TLE6: variants seen among roughly 807,000 people sequenced by gnomAD.
The protein encoded by TLE6 is TLE family member 6, subcortical maternal complex member.
A neutral mutation model predicts 77.1 loss-of-function variants in TLE6; 72 were observed. That is an observed-to-expected ratio of 0.93 (90% CI 0.77 to 1.14). TLE6 has a LOEUF of 1.14. Among genes scored for constraint, TLE6 ranks in the 50% most tolerant of loss-of-function variants. The pLI, the probability that TLE6 is intolerant of heterozygous loss-of-function variation, is 0.00. For missense variants in TLE6, 843 were observed against 747.6 expected, an observed-to-expected ratio of 1.13 and a Z score of -1.49; for synonymous variants, 366 against 287.3, an observed-to-expected ratio of 1.27 and a Z score of -2.77.
At chr19:2,981,959 ACTCT>A (rs952318203) in intron 4 of TLE6, among the ~76,000 whole-genome samples, 185 bp from the exon 5 acceptor site, 6 of 151,938 alleles carry the variant, frequency 3.9e-5, no homozygotes, top group Admixed American at 2.6e-4. Flanking sequence ...ACAGAGCAAG[ACTCT>A]CTCTGAGGAA....
chr19:2,995,079 A>G lies in TLE6; in HGVS notation c.*75A>G, dbSNP rs542540216. On this transcript the variant is annotated 3_prime_UTR_variant, in exon 17 of 17. Coordinates refer to ENST00000246112, the MANE Select transcript of TLE6 (RefSeq NM_001143986.2). ...CTTCCCCCCCCCCAACAAGGGGGAC[A>G]TGGTGGAGGGAAGCGGGAAGGCTCT... is the stretch of plus-strand genomic sequence containing the variant. The G allele has an allele frequency of 1.3e-4, 122 of 931,564 alleles. 1 individual carries two copies. In the South Asian group the frequency reaches 1.7e-3, roughly 13 times the overall value. The allele number at this position is 931,564 out of a possible 1,614,324, so 57.7% of individuals were successfully genotyped here. A position where few individuals can be genotyped will look rare whatever the true frequency, so the allele number is the denominator to read the frequency against.
Position 2,988,207 on chromosome 19 carries a change from C to T in TLE6, c.740+79C>T, listed in dbSNP as rs553779233. ...TTCCTGTCTATACCTCTGTTCCCGACACATAGAGGGGAACAGAGGTGTAAG... is the reference window on the plus strand; with the variant it reads ...TTCCTGTCTATACCTCTGTTCCCGATACATAGAGGGGAACAGAGGTGTAAG... On this transcript the variant is annotated intron_variant, in intron 11 of 16. Coordinates refer to ENST00000246112, the MANE Select transcript of TLE6 (RefSeq NM_001143986.2). 2.1e-6 allele frequency: 3 copies of T among 1,413,948 alleles called. No homozygotes were observed. In the Admixed American group the frequency reaches 6.1e-5, roughly 29 times the overall value. The allele number at this position is 1,413,948 out of a possible 1,614,324, so 87.6% of individuals were successfully genotyped here. A position where few individuals can be genotyped will look rare whatever the true frequency, so the allele number is the denominator to read the frequency against.
intron 14 of TLE6, 27 bp from the exon 15 acceptor site, chr19:2,993,405 C>A: frequency 6.3e-7 from 1 of 1,578,648 alleles, no homozygotes; most frequent in Non-Finnish European, 8.7e-7. Context: ...TAACCAGGTT[C>A]CTCCCTCCCC....
At chr19:2,993,040 A>G (rs1026831289) in intron 14 of TLE6, among the ~76,000 whole-genome samples, 1 of 149,664 alleles carries the variant, frequency 6.7e-6, no homozygotes, top group South Asian at 2.1e-4. Context: ...AAAAAAAAAA[A>G]AAAAAAAAAA....
In TLE6 at chr19:2,994,901, T is replaced by TGCCTGAGATGTCTCCAGTC; in HGVS notation, c.1617_1635dup (p.Thr546AlafsTer2). ...CACTGCCCACTGCCCCCCCTCCAGG[T>TGCCTGAGATGTCTCCAGTC]GCCTGAGATGTCTCCAGTCACGTGC... On this transcript the variant is annotated frameshift_variant and splice_region_variant, in exon 17 of 17. Coordinates refer to ENST00000246112, the MANE Select transcript of TLE6 (RefSeq NM_001143986.2). LOFTEE classifies it low-confidence loss of function (END_TRUNC). 6.3e-7 allele frequency: 1 copy of TGCCTGAGATGTCTCCAGTC among 1,590,716 alleles called. No homozygotes were observed. Among genetic ancestry groups the TGCCTGAGATGTCTCCAGTC allele is most frequent in the Non-Finnish European group, 8.6e-7 (1 of 1,167,762 alleles).
Position 2,989,743 on chromosome 19 carries a change from G to T in TLE6, c.1202G>T (p.Gly401Val). The T allele has an allele frequency of 6.2e-7, 1 of 1,614,212 alleles. No homozygotes were observed. Among genetic ancestry groups the T allele is most frequent in the South Asian group, 1.1e-5 (1 of 91,078 alleles). ...CTGGCCTTCGCCAGCTTCACCAGTG[G>T]TGTGGTCAGGATCTGGGACCTGCGG... ...ANLAFASFTS[G>V]VVRIWDLRDQ... The change falls in exon 13 of 17, where the codon GGT (glycine) becomes GTT (valine). Residue 401 changes from glycine to valine, a missense_variant. Physicochemically the swap from Gly to Val is moderately radical, Grantham distance 109 (BLOSUM62 -3). Transcript: ENST00000246112.
At chr19:2,991,425 CATAT>C (rs1555686317) in intron 13 of TLE6, among the ~76,000 whole-genome samples, 1 of 135,564 alleles carries the variant, frequency 7.4e-6, no homozygotes, top group Admixed American at 7.5e-5. Context: ...CACACACACA[CATAT>C]ATATAATATA....
chr19:2,978,025 T>G (rs916895127), intron 1 of TLE6, among the ~76,000 whole-genome samples, 173 bp from the exon 2 acceptor site: 4 of 152,068 alleles, frequency 2.6e-5, no homozygotes, highest in African/African-American at 9.7e-5. Context: ...TCTGGGCAGC[T>G]GGAGGCATTG....
At chr19:2,982,452 T>G (rs10423222) in intron 5 of TLE6, among the ~76,000 whole-genome samples, 2 of 149,850 alleles carry the variant, frequency 1.3e-5, no homozygotes, top group Admixed American at 1.3e-4. Context: ...GCAGGAGAAT[T>G]GCTTGAACCC....
chr19:2,981,522 C>T lies in TLE6; in HGVS notation c.135-16C>T, dbSNP rs199844234. 499 of 1,551,454 alleles carry T rather than the reference C, an allele frequency of 3.2e-4. No homozygotes were observed. Among genetic ancestry groups the T allele is most frequent in the Non-Finnish European group, 2.6e-4 (298 of 1,146,874 alleles). On this transcript the variant is annotated splice_polypyrimidine_tract_variant and intron_variant, in intron 3 of 16. Coordinates refer to ENST00000246112, the MANE Select transcript of TLE6 (RefSeq NM_001143986.2). ...TGAAGCCACAGGTCTTCCAGCCTGT[C>T]CTCCTTCCCCCTCAGGTTTTCTCCT...
chr19:2,989,789 C>T lies in TLE6; in HGVS notation c.1244+4C>T, dbSNP rs200598474. On this transcript the variant is annotated splice_donor_region_variant and intron_variant, in intron 13 of 16. Coordinates refer to ENST00000246112, the MANE Select transcript of TLE6 (RefSeq NM_001143986.2). ...TGCGGGATCAGAGTGTGGTCAGGTG[C>T]GTTTGGGGGGTGGGAAGGGGAAGCA... is the stretch of plus-strand genomic sequence containing the variant. 2.3e-5 allele frequency: 37 copies of T among 1,609,628 alleles called. No homozygotes were observed. The East Asian group carries it at 3.8e-4, about 16-fold the overall frequency.
chr19:2,981,308 C>T (rs1178726841), intron 3 of TLE6, among the ~76,000 whole-genome samples: 2 of 148,934 alleles, frequency 1.3e-5, no homozygotes, highest in Admixed American at 6.7e-5. Flanking sequence ...TGCAGTGACA[C>T]TGCACTCCAG....
At chr19:2,993,644 A>T in intron 15 of TLE6, 62 bp downstream of exon 15, 2 of 1,503,824 alleles carry the variant, frequency 1.3e-6, no homozygotes, top group Non-Finnish European at 1.8e-6. Flanking sequence ...ACAAGACCCC[A>T]CCTAATGCCA....
chr19:2,984,237 G>C (rs2088858939), intron 5 of TLE6: 1 of 152,154 alleles, frequency 6.6e-6, no homozygotes, highest in South Asian at 2.1e-4. Context: ...GCGCATTAAC[G>C]AGGCGGGGTG....
In TLE6 at chr19:2,991,833, T is replaced by C; in HGVS notation, c.1245-10T>C. ...TGACCTGATTGCCTCCCGATGTCCC[T>C]TCTGGCCAGGGACCTCAAGGGTTAT... On this transcript the variant is annotated splice_polypyrimidine_tract_variant and intron_variant, in intron 13 of 16. Coordinates refer to ENST00000246112, the MANE Select transcript of TLE6 (RefSeq NM_001143986.2). 1.2e-6 allele frequency: 2 copies of C among 1,613,392 alleles called. No individual in the cohort carries two copies. Among genetic ancestry groups the C allele is most frequent in the Non-Finnish European group, 1.7e-6 (2 of 1,179,620 alleles).
intron 5 of TLE6, among the ~76,000 whole-genome samples, chr19:2,985,479 G>A (rs947683448): frequency 5.8e-5 from 8 of 137,864 alleles, no homozygotes; most frequent in African/African-American, 2.0e-4. Flanking sequence ...TCGCATCTGG[G>A]CTCACTGCAA....
At chr19:2,993,792 G>A (rs1248056112) in intron 15 of TLE6, among the ~76,000 whole-genome samples, 3 of 150,748 alleles carry the variant, frequency 2.0e-5, no homozygotes, top group African/African-American at 2.4e-5. Context: ...CCACCGGCGC[G>A]GTCCGCCTCC....
At chr19:2,978,161 C>T in intron 1 of TLE6, 37 bp from the exon 2 acceptor site, 5 of 1,491,334 alleles carry the variant, frequency 3.4e-6, no homozygotes, top group South Asian at 2.4e-5. Flanking sequence ...GCCTTATTTT[C>T]TGTCCCTCAA....
intron 3 of TLE6, among the ~76,000 whole-genome samples, 174 bp from the exon 4 acceptor site, chr19:2,981,363 AG>A (rs2088794736): frequency 6.6e-6 from 1 of 151,412 alleles, no homozygotes; most frequent in African/African-American, 2.4e-5. Context: ...AAAAAAAAAA[AG>A]AATATACTGC....
Sources: allele counts gnomAD v4.1 joint callset (sites outside exome capture counted in the v4.1 genomes callset), GRCh38; gene constraint gnomAD v4.1.1; transcripts MANE v1.5; gene names NCBI Gene and HGNC (gene_info 2026-07-23, HGNC 2026-07-21).